The following CNPY1 variants were observed in gnomAD, a reference collection of about 807,000 sequenced individuals.
The protein encoded by CNPY1 is canopy FGF signaling regulator 1.
CNPY1 carries 14 observed loss-of-function variants against 14.4 expected under a neutral mutation model. That is an observed-to-expected ratio of 0.97 (90% CI 0.64 to 1.52). CNPY1 has a LOEUF of 1.52. CNPY1 is among the 40% of genes most tolerant of loss of function. The pLI is 0.00. For synonymous variants in CNPY1, 43 were observed against 46.5 expected (o/e 0.92, Z 0.31); for missense variants, 129 against 131.5 (o/e 0.98, Z 0.09).
At chr7:155,515,144 C>T (rs918247547) in intron 2 of CNPY1, among the ~76,000 whole-genome samples, 2 of 152,120 alleles carry the variant, frequency 1.3e-5, no homozygotes, top group South Asian at 2.1e-4. Context: ...CATTGTATGG[C>T]TTCCGGGGAG....
intron 2 of CNPY1, among the ~76,000 whole-genome samples, chr7:155,517,724 A>G (rs1448648469): frequency 6.6e-6 from 1 of 152,220 alleles, no homozygotes. Flanking sequence ...CCTGAATGCT[A>G]GCCTGGCTTC....
Position 155,508,908 on chromosome 7 carries a change from G to A in CNPY1, c.289C>T (p.Pro97Ser). ...KLYFYSDAYRPLKFACETIIE... is the reference protein window; with the variant it reads ...KLYFYSDAYRSLKFACETIIE... ...AGAGAGCTTACCGCAAATTTCAAAG[G>A]TCTGTAAGCATCAGAATAAAAATAC... is the stretch of plus-strand genomic sequence containing the variant. The change falls in exon 3 of 5, where the codon CCT becomes TCT. Residue 97 changes from proline to serine, a missense_variant. Coordinates refer to ENST00000636446, the MANE Select transcript of CNPY1 (RefSeq NM_001393663.1). The A allele has an allele frequency of 1.2e-6, 2 of 1,613,658 alleles. No individual in the cohort carries two copies. The highest frequency in any genetic ancestry group is 1.7e-6 in the Non-Finnish European group (2 of 1,179,888).
intron 2 of CNPY1, among the ~76,000 whole-genome samples, chr7:155,534,352 C>T (rs1280517731): frequency 6.6e-6 from 1 of 151,944 alleles, no homozygotes. Flanking sequence ...CACACATGCA[C>T]ACACGTGCAC....
chr7:155,509,705 A>C (rs1246272767), intron 2 of CNPY1, among the ~76,000 whole-genome samples: 1 of 152,106 alleles, frequency 6.6e-6, no homozygotes, highest in East Asian at 1.9e-4. Flanking sequence ...TGGGGCTGGG[A>C]GAGGAAGGGG....
chr7:155,542,020 C>T (rs1051752335), intron 2 of CNPY1, among the ~76,000 whole-genome samples: 3 of 138,074 alleles, frequency 2.2e-5, no homozygotes, highest in Non-Finnish European at 3.0e-5. Context: ...GTTTGCAAGC[C>T]GGCTGCCATG....
At chr7:155,539,847 T>C (rs1797064503) in intron 2 of CNPY1, among the ~76,000 whole-genome samples, 1 of 152,146 alleles carries the variant, frequency 6.6e-6, no homozygotes, top group Admixed American at 6.5e-5. Flanking sequence ...CAGTGATTCT[T>C]AGGAGAAAGG....
At chr7:155,534,169 GCA>G (rs967798967) in intron 2 of CNPY1, among the ~76,000 whole-genome samples, 4 of 152,306 alleles carry the variant, frequency 2.6e-5, no homozygotes, top group East Asian at 1.9e-4. Flanking sequence ...CCTGACCCAG[GCA>G]CAGTCTCCTG....
intron 2 of CNPY1, among the ~76,000 whole-genome samples, chr7:155,509,671 C>G (rs778725041): frequency 6.6e-6 from 1 of 152,162 alleles, no homozygotes; most frequent in South Asian, 2.1e-4. Flanking sequence ...TGCAGCCGCG[C>G]GATGGCCCGG....
Position 155,538,213 on chromosome 7 carries a change from C to T in CNPY1, c.99+7618G>A, listed in dbSNP as rs960636159. 1.1e-4 allele frequency among the ~76,000 whole-genome samples: 16 copies of T among 152,336 alleles called. No individual in the cohort carries two copies. In the East Asian group the frequency reaches 3.1e-3, roughly 29 times the overall value. ...TTCTTATTAAGGTGGCATCCATGGG[C>T]CAACAGCCCTTGCAAAACAATTTAG... On this transcript the variant is annotated intron_variant, in intron 2 of 4. Transcript: ENST00000636446.
rs532676747 is a variant in CNPY1, at chr7:155,504,627, G to A, written c.401-1522C>T. 5.3e-5 allele frequency among the ~76,000 whole-genome samples: 8 copies of A among 151,960 alleles called. No individual in the cohort carries two copies. The East Asian group carries it at 1.2e-3, about 22-fold the overall frequency. ...TGTGTGAATATTTTAACAGCATAGA[G>A]CGTTGCACGTAGTATACACTCAGTA... On this transcript the variant is annotated intron_variant, in intron 4 of 4. Coordinates refer to ENST00000636446, the MANE Select transcript of CNPY1 (RefSeq NM_001393663.1).
chr7:155,542,327 G>C (rs1429337695), intron 2 of CNPY1, among the ~76,000 whole-genome samples: 1 of 152,124 alleles, frequency 6.6e-6, no homozygotes, highest in East Asian at 1.9e-4. Context: ...GAGTCACCAG[G>C]CTCCAAGGAG....
chr7:155,528,387 TGA>T (rs773905981), intron 2 of CNPY1, among the ~76,000 whole-genome samples: 1 of 152,266 alleles, frequency 6.6e-6, no homozygotes, highest in Non-Finnish European at 1.5e-5. Context: ...CACATAGCTC[TGA>T]CAATGCCAGC....
At chr7:155,530,999 C>A (rs546892170) in intron 2 of CNPY1, among the ~76,000 whole-genome samples, 1 of 152,252 alleles carries the variant, frequency 6.6e-6, no homozygotes, top group Admixed American at 6.5e-5. Flanking sequence ...TCTCCTGGGA[C>A]GAAGGCTGTC....
chr7:155,516,823 C>T (rs926566086), intron 2 of CNPY1, among the ~76,000 whole-genome samples: 16 of 152,200 alleles, frequency 1.1e-4, no homozygotes, highest in Admixed American at 4.6e-4. Context: ...TCTGTTCCCT[C>T]CTGGTGACTC....
intron 4 of CNPY1, among the ~76,000 whole-genome samples, chr7:155,506,437 A>C (rs151072687): frequency 9.9e-4 from 151 of 152,292 alleles, no homozygotes; most frequent in African/African-American, 3.6e-3. Flanking sequence ...CCAGCTTCTG[A>C]GTGTGTGTAT....
chr7:155,543,542 A>G (rs1797125737), intron 2 of CNPY1, among the ~76,000 whole-genome samples: 1 of 152,166 alleles, frequency 6.6e-6, no homozygotes, highest in South Asian at 2.1e-4. Context: ...AGGATGAGAG[A>G]CCTTCTAGAA....
intron 3 of CNPY1, 48 bp from the exon 4 acceptor site, chr7:155,507,164 G>T: frequency 8.3e-7 from 1 of 1,208,646 alleles, no homozygotes; most frequent in Non-Finnish European, 1.2e-6. Flanking sequence ...ACACTGGCGG[G>T]GCACTTTGTT....
At chr7:155,529,718 A>C (rs916794366) in intron 2 of CNPY1, among the ~76,000 whole-genome samples, 2 of 151,642 alleles carry the variant, frequency 1.3e-5, no homozygotes, top group Non-Finnish European at 1.5e-5. Flanking sequence ...CCTCATCTTA[A>C]CTGACAACAT....
intron 2 of CNPY1, among the ~76,000 whole-genome samples, chr7:155,532,054 C>T (rs1222393467): frequency 6.6e-6 from 1 of 152,240 alleles, no homozygotes; most frequent in African/African-American, 2.4e-5. Context: ...TATGCGTCAG[C>T]ATCTGCTCAA....
Sources: allele counts gnomAD v4.1 joint callset (sites outside exome capture counted in the v4.1 genomes callset), GRCh38; gene constraint gnomAD v4.1.1; transcripts MANE v1.5; gene names NCBI Gene and HGNC (gene_info 2026-07-23, HGNC 2026-07-21).